The following TTC7A variants were observed in gnomAD, a reference collection of about 807,000 sequenced individuals.
TTC7A encodes the protein tetratricopeptide repeat domain 7A, also known as tetratricopeptide repeat protein 7A.
TTC7A carries 110 observed loss-of-function variants against 103.7 expected under a neutral mutation model. That is an observed-to-expected ratio of 1.06 (90% CI 0.91 to 1.24). TTC7A has a LOEUF of 1.24. Ranked by LOEUF, TTC7A falls within the 50% of genes most tolerant of loss-of-function variation. The pLI, the probability that TTC7A is intolerant of heterozygous loss-of-function variation, is 0.00. For missense variants in TTC7A, 1,340 were observed against 1,116.3 expected (o/e 1.20, Z -2.86); for synonymous variants, 521 against 467.9 (o/e 1.11, Z -1.47).
In TTC7A at chr2:46,979,026, A is replaced by G; in HGVS notation, c.764+119A>G. ...TGTGCATACGTGCTCTTCCAAGAGG[A>G]TTGGTGGGAACTGGCTTGTGTCACA... On this transcript the variant is annotated intron_variant, in intron 5 of 19. Coordinates refer to ENST00000319190, the MANE Select transcript of TTC7A (RefSeq NM_020458.4). 3 of 670,304 alleles carry G rather than the reference A, an allele frequency of 4.5e-6. No homozygotes were observed. In the East Asian group the frequency reaches 8.5e-5, roughly 19 times the overall value. 41.5% of individuals were successfully genotyped at this position (670,304 alleles called of 1,614,324 possible).
At chr2:46,925,674 C>T (rs1228382686) in intron 2 of TTC7A, among the ~76,000 whole-genome samples, 1 of 152,132 alleles carries the variant, frequency 6.6e-6, no homozygotes. Flanking sequence ...CTGACTTCTC[C>T]CCTGCCACCT....
At chr2:46,952,189 G>A (rs1671476567) in intron 2 of TTC7A, among the ~76,000 whole-genome samples, 1 of 152,056 alleles carries the variant, frequency 6.6e-6, no homozygotes, top group East Asian at 1.9e-4. Flanking sequence ...GACAGGTATT[G>A]TAGCACTGGG....
chr2:47,044,474 T>C (rs1460805290), intron 15 of TTC7A, among the ~76,000 whole-genome samples: 1 of 152,176 alleles, frequency 6.6e-6, no homozygotes, highest in Non-Finnish European at 1.5e-5. Flanking sequence ...TCATTCCTAC[T>C]CAGGGCTGTG....
At chr2:47,073,603 G>A in intron 19 of TTC7A, 99 bp from the exon 20 acceptor site, 8 of 1,010,394 alleles carry the variant, frequency 7.9e-6, no homozygotes, top group Non-Finnish European at 1.2e-5. Flanking sequence ...CTCTCGAGCT[G>A]ATGGCTGCTG....
chr2:46,932,659 G>A (rs761605088), intron 2 of TTC7A, among the ~76,000 whole-genome samples: 3 of 152,064 alleles, frequency 2.0e-5, no homozygotes, highest in African/African-American at 4.8e-5. Flanking sequence ...CCAGCAATTT[G>A]GGAGGCCAAG....
intron 15 of TTC7A, among the ~76,000 whole-genome samples, chr2:47,043,394 CAG>C (rs1411604800): frequency 6.6e-6 from 1 of 152,138 alleles, no homozygotes; most frequent in Non-Finnish European, 1.5e-5. Flanking sequence ...GGCTGAATGT[CAG>C]AGGGGAAAGG....
chr2:46,925,642 A>G (rs1669348873), intron 2 of TTC7A, among the ~76,000 whole-genome samples: 1 of 152,158 alleles, frequency 6.6e-6, no homozygotes, highest in Non-Finnish European at 1.5e-5. Flanking sequence ...GTGAAAAGGC[A>G]ATTCACAAAC....
chr2:47,013,756 A>T (rs185126348), intron 11 of TTC7A, among the ~76,000 whole-genome samples: 159 of 152,386 alleles, frequency 1.0e-3, no homozygotes, highest in Admixed American at 1.6e-3. Context: ...CAAAGTAATC[A>T]ATGACAACAT....
intron 8 of TTC7A, among the ~76,000 whole-genome samples, chr2:46,995,443 C>T (rs1388067695): frequency 6.6e-6 from 1 of 152,186 alleles, no homozygotes; most frequent in Non-Finnish European, 1.5e-5. Flanking sequence ...AGACTGAGTG[C>T]CTAAGTCCCC....
rs759278466 is a variant in TTC7A at position 46,978,872 on chromosome 2, C to G, written c.729C>G (p.Ala243=). 1 of 1,614,060 alleles carries G rather than the reference C, an allele frequency of 6.2e-7. No homozygotes were observed. The highest frequency in any genetic ancestry group is 1.7e-5 in the Admixed American group (1 of 59,996). Reference sequence around the variant, plus strand: ...AGCTCACCTACTTCCTGGAAGCTGCCCTCCAGAGCGCCTATGTGAAAAACC... The same window carrying G: ...AGCTCACCTACTTCCTGGAAGCTGCGCTCCAGAGCGCCTATGTGAAAAACC... The part of the protein sequence containing the change: ...DYELTYFLEA[A]LQSAYVKNLK... The change falls in exon 5 of 20, where the codon GCC becomes GCG. Residue 243 remains alanine, a synonymous_variant. Coordinates refer to ENST00000319190, the MANE Select transcript of TTC7A (RefSeq NM_020458.4).
At chr2:47,051,642 T>C in intron 17 of TTC7A, 104 bp from the exon 18 acceptor site, 4 of 1,439,854 alleles carry the variant, frequency 2.8e-6, no homozygotes, top group Non-Finnish European at 3.7e-6. Context: ...CTACCCTGAT[T>C]CAGGGTGCCC....
Position 47,029,332 on chromosome 2 carries a change from C to G in TTC7A, c.1750C>G (p.His584Asp), listed in dbSNP as rs1465187284. ...CTTCTCTGCCCAGAAGCACCACCAG[C>G]ATGCCCTGGATGTTGTCAACATGGC... is the stretch of plus-strand genomic sequence containing the variant. ...LLFSAQKHHQ[H>D]ALDVVNMAIT... Residue 584 changes from histidine (H) to aspartate (D), a missense_variant, in exon 15 of 20, where the codon CAT (histidine) becomes GAT (aspartate). By Grantham distance (81) the His-to-Asp change is moderately conservative. Coordinates refer to ENST00000319190, the MANE Select transcript of TTC7A (RefSeq NM_020458.4). The G allele has an allele frequency of 6.2e-7, 1 of 1,613,992 alleles. No homozygotes were observed. The highest frequency in any genetic ancestry group is 8.5e-7 in the Non-Finnish European group (1 of 1,180,042).
intron 11 of TTC7A, among the ~76,000 whole-genome samples, chr2:47,016,296 C>A (rs535591455): frequency 6.6e-6 from 1 of 152,156 alleles, no homozygotes; most frequent in Non-Finnish European, 1.5e-5. Flanking sequence ...AAAATGAAAC[C>A]CTCCAGAGGG....
At chr2:47,043,466 G>A (rs376246818) in intron 15 of TTC7A, among the ~76,000 whole-genome samples, 36 of 152,270 alleles carry the variant, frequency 2.4e-4, no homozygotes, top group African/African-American at 7.2e-4. Context: ...AGCCTGTTCC[G>A]AGGCTCAGGG....
intron 15 of TTC7A, among the ~76,000 whole-genome samples, chr2:47,033,546 C>G (rs557926134): frequency 2.0e-5 from 3 of 152,326 alleles, no homozygotes; most frequent in African/African-American, 7.2e-5. Context: ...TGAGCTGGTC[C>G]TTGTGTGAGA....
chr2:47,010,171 C>T (rs762530811), intron 10 of TTC7A, among the ~76,000 whole-genome samples: 6 of 152,084 alleles, frequency 3.9e-5, no homozygotes, highest in Non-Finnish European at 8.8e-5. Flanking sequence ...GCACTTAGAA[C>T]AGGGGTCTCC....
chr2:46,934,787 CTTTTTTTTT>C lies in TTC7A; in HGVS notation c.83-15552_83-15544del, dbSNP rs1161003607. ...GGAATAAGGTATGAAGACTACTGCT[CTTTTTTTTT>C]TTTTTTTTTTTTTTTTTTTTTTTGA... On this transcript the variant is annotated intron_variant, in intron 2 of 20. Coordinates refer to the TTC7A transcript ENST00000409245. 3.1e-4 allele frequency among the ~76,000 whole-genome samples: 21 copies of C among 66,918 alleles called. No homozygotes were observed. In the East Asian group the frequency reaches 3.3e-3, roughly 11 times the overall value. 43.9% of individuals were successfully genotyped at this position (66,918 alleles called of 152,430 possible).
intron 2 of TTC7A, among the ~76,000 whole-genome samples, chr2:46,918,338 A>T (rs559809019): frequency 1.6e-4 from 25 of 152,302 alleles, no homozygotes; most frequent in Admixed American, 1.4e-3. Flanking sequence ...ATGTATCCTG[A>T]GTCTTTGACT....
intron 8 of TTC7A, among the ~76,000 whole-genome samples, chr2:46,998,597 A>G (rs1676467470): frequency 6.6e-6 from 1 of 152,198 alleles, no homozygotes; most frequent in Non-Finnish European, 1.5e-5. Context: ...GCAGCTGGTG[A>G]CCTTGGCTGC....
Sources: gnomAD v4.1 joint callset for allele counts (sites outside exome capture counted in the v4.1 genomes callset) on GRCh38, gnomAD v4.1.1 for gene constraint, MANE v1.5 for transcripts, NCBI Gene and HGNC (gene_info 2026-07-23, HGNC 2026-07-21) for gene names.